Variants in AK7 observed in about 807,000 individuals in gnomAD.
The protein encoded by AK7 is ATP-AMP transphosphorylase 7.
A neutral mutation model predicts 96.6 loss-of-function variants in AK7; 78 were observed. The ratio of observed to expected loss-of-function variants is 0.81; its 90% CI spans 0.67 to 0.97. AK7 has a LOEUF of 0.97. Among genes scored for constraint, AK7 ranks in the 50% least tolerant of loss-of-function variants. AK7 has a pLI of 0.00. For missense variants in AK7, 855 were observed against 887.9 expected, an observed-to-expected ratio of 0.96 and a Z score of 0.47; for synonymous variants, 302 against 317.2, an observed-to-expected ratio of 0.95 and a Z score of 0.51.
chr14:96,471,475 C>A lies in AK7; in HGVS notation c.1358-3C>A. 7.2e-7 allele frequency: 1 copy of A among 1,386,046 alleles called. No individual in the cohort carries two copies. 85.9% of individuals were successfully genotyped at this position (1,386,046 alleles called of 1,614,324 possible). On this transcript the variant is annotated splice_polypyrimidine_tract_variant and splice_region_variant and intron_variant, in intron 12 of 17. Coordinates refer to ENST00000267584, the MANE Select transcript of AK7 (RefSeq NM_152327.5). ...AATATATACATATATGTTTTTTTATCAGGTCAACTAGACGATCAATATATA... is the reference window on the plus strand; with the variant it reads ...AATATATACATATATGTTTTTTTATAAGGTCAACTAGACGATCAATATATA...
intron 6 of AK7, among the ~76,000 whole-genome samples, chr14:96,439,022 G>A (rs1892806745): frequency 1.3e-5 from 2 of 152,198 alleles, no homozygotes; most frequent in African/African-American, 4.8e-5. Flanking sequence ...GGAAGACAGG[G>A]AATGGAGCTG....
In AK7 at chr14:96,481,407, C is replaced by T. The variant is rs552987943; in HGVS notation, c.1754-1592C>T. Among the ~76,000 whole-genome samples the T allele has an allele frequency of 5.1e-4, 78 of 152,226 alleles. 1 individual carries two copies. The highest frequency in any genetic ancestry group is 1.5e-3 in the East Asian group (8 of 5,182). On this transcript the variant is annotated intron_variant, in intron 15 of 17. Transcript: ENST00000267584. ...TGTCACCCAGGCTGAAGTGCAGTGG[C>T]GCAATCTTGGCTCACTGCAACCTCT... is the stretch of plus-strand genomic sequence containing the variant.
chr14:96,469,358 T>TA (rs1006168362), intron 12 of AK7, among the ~76,000 whole-genome samples: 2 of 151,914 alleles, frequency 1.3e-5, no homozygotes, highest in Admixed American at 1.3e-4. Context: ...CTGTCCCTAC[T>TA]AAAAAATACA....
intron 7 of AK7, among the ~76,000 whole-genome samples, chr14:96,444,246 C>T (rs1013818846): frequency 2.6e-5 from 4 of 151,942 alleles, no homozygotes; most frequent in Non-Finnish European, 5.9e-5. Context: ...ATGGAGGGGC[C>T]GAAACATACC....
At chr14:96,393,849 G>A (rs1380710018) in intron 1 of AK7, among the ~76,000 whole-genome samples, 1 of 151,990 alleles carries the variant, frequency 6.6e-6, no homozygotes, top group African/African-American at 2.4e-5. Context: ...GGTGGGCGTG[G>A]TGTAATACTA....
Position 96,471,589 on chromosome 14 carries a change from C to G in AK7, c.1469C>G (p.Ala490Gly). 6.3e-7 allele frequency: 1 copy of G among 1,577,920 alleles called. No individual in the cohort carries two copies. Among genetic ancestry groups the G allele is most frequent in the Non-Finnish European group, 8.6e-7 (1 of 1,165,652 alleles). The part of the protein sequence containing the change: ...LDGFPKTYDQ[A>G]KDLFNQEDEE... ...GGATTCCCAAAGACCTATGATCAAGCAAAAGACCTGTTCAATCGTAAGTTT... is the reference window on the plus strand; with the variant it reads ...GGATTCCCAAAGACCTATGATCAAGGAAAAGACCTGTTCAATCGTAAGTTT... The change falls in exon 13 of 18, where the codon GCA becomes GGA. Residue 490 changes from alanine (A) to glycine (G), a missense_variant. Transcript: ENST00000267584.
chr14:96,404,272 C>T (rs758782768), intron 2 of AK7, among the ~76,000 whole-genome samples: 6 of 151,740 alleles, frequency 4.0e-5, no homozygotes, highest in Non-Finnish European at 7.4e-5. Context: ...AAAATATTCC[C>T]GGCTGTCAAC....
chr14:96,394,900 T>C lies in AK7; in HGVS notation c.105+2641T>C, dbSNP rs554478129. On this transcript the variant is annotated intron_variant, in intron 1 of 17. Coordinates refer to ENST00000267584, the MANE Select transcript of AK7 (RefSeq NM_152327.5). ...CCGAGGCAGGAGAATCATTTGAACC[T>C]GGGAGACAGAGTTTGCAGTGAGCCG... Among the ~76,000 whole-genome samples, 12 of 152,202 alleles carry C rather than the reference T, an allele frequency of 7.9e-5. No homozygotes were observed. The East Asian group carries it at 2.3e-3, about 29-fold the overall frequency.
chr14:96,395,718 G>GAAAA (rs71103518), intron 1 of AK7, among the ~76,000 whole-genome samples: 3 of 41,024 alleles, frequency 7.3e-5, no homozygotes, highest in African/African-American at 6.7e-5. Context: ...CTTGTCTCTA[G>GAAAA]AAAAAAAAAA....
intron 12 of AK7, among the ~76,000 whole-genome samples, chr14:96,461,259 G>A (rs1404445123): frequency 2.6e-5 from 4 of 152,160 alleles, no homozygotes; most frequent in African/African-American, 7.2e-5. Context: ...GGTCAGCCTC[G>A]GCAACATAGC....
In AK7 at chr14:96,478,746, G is replaced by T. The variant is rs111884219; in HGVS notation, c.1753+84G>T. 562 of 1,354,986 alleles carry T rather than the reference G, an allele frequency of 4.1e-4. 6 individuals carry two copies. The African/African-American group carries it at 6.9e-3, about 17-fold the overall frequency. 83.9% of individuals were successfully genotyped at this position (1,354,986 alleles called of 1,614,324 possible). On this transcript the variant is annotated intron_variant, in intron 15 of 17. Coordinates refer to ENST00000267584, the MANE Select transcript of AK7 (RefSeq NM_152327.5). ...AGGTCTAGCTGTAATTGTGGGGCTGGGGGGAGGGTGGGGAGTGTAATCATG... is the reference window on the plus strand; with the variant it reads ...AGGTCTAGCTGTAATTGTGGGGCTGTGGGGAGGGTGGGGAGTGTAATCATG...
chr14:96,433,768 CTGACT>C (rs1175993962), intron 5 of AK7, among the ~76,000 whole-genome samples: 1 of 152,066 alleles, frequency 6.6e-6, no homozygotes, highest in African/African-American at 2.4e-5. Flanking sequence ...TTTTTTTCCT[CTGACT>C]GTATTTTTTA....
At chr14:96,441,397 G>A (rs1487272546) in intron 6 of AK7, among the ~76,000 whole-genome samples, 1 of 152,008 alleles carries the variant, frequency 6.6e-6, no homozygotes, top group African/African-American at 2.4e-5. Flanking sequence ...CCAGCATATT[G>A]GGAGGCTGAG....
intron 2 of AK7, among the ~76,000 whole-genome samples, chr14:96,403,271 A>C (rs1377076326): frequency 1.3e-5 from 2 of 151,928 alleles, no homozygotes; most frequent in African/African-American, 4.8e-5. Context: ...GGTGGAGATC[A>C]GGGTGATGCA....
At chr14:96,476,719 T>A (rs543118715) in intron 14 of AK7, among the ~76,000 whole-genome samples, 37 of 152,298 alleles carry the variant, frequency 2.4e-4, no homozygotes, top group Non-Finnish European at 4.1e-4. Flanking sequence ...AACATTTTTT[T>A]AAAAATCATC....
chr14:96,443,630 T>C (rs1452485165), intron 7 of AK7, among the ~76,000 whole-genome samples: 1 of 152,154 alleles, frequency 6.6e-6, no homozygotes, highest in Non-Finnish European at 1.5e-5. Context: ...TTTTATTATT[T>C]TTCTTAAAGA....
In AK7 at chr14:96,489,344, TC is replaced by T; in HGVS notation, c.*1007del. Reference sequence around the variant, plus strand: ...TAGGCAGTCACGCTCCATTATTCCCTCCCCCCAGTTCCAGGCAACCACGAAT... The same window carrying T: ...TAGGCAGTCACGCTCCATTATTCCCTCCCCCAGTTCCAGGCAACCACGAAT... On this transcript the variant is annotated 3_prime_UTR_variant, in exon 18 of 18. Transcript: ENST00000267584. 1 of 152,128 alleles carries T rather than the reference TC, an allele frequency of 6.6e-6. No homozygotes were observed. Among genetic ancestry groups the T allele is most frequent in the Non-Finnish European group, 1.5e-5 (1 of 67,996 alleles). The allele number at this position is 152,128 out of a possible 1,614,324, so 9.4% of individuals were successfully genotyped here. A position where few individuals can be genotyped will look rare whatever the true frequency, so the allele number is the denominator to read the frequency against.
At chr14:96,421,308 A>T (rs1048268729) in intron 5 of AK7, 1 of 159,896 alleles carries the variant, frequency 6.3e-6, no homozygotes, top group Non-Finnish European at 1.4e-5. Flanking sequence ...GAATAAGGAG[A>T]TGGGAGCTTC....
At chr14:96,480,202 T>C (rs1395657360) in intron 15 of AK7, among the ~76,000 whole-genome samples, 1 of 151,992 alleles carries the variant, frequency 6.6e-6, no homozygotes, top group Non-Finnish European at 1.5e-5. Flanking sequence ...AAGACCAAGG[T>C]GGGTGGATCA....
Sources: gnomAD v4.1 joint callset for allele counts (sites outside exome capture counted in the v4.1 genomes callset) on GRCh38, gnomAD v4.1.1 for gene constraint, MANE v1.5 for transcripts, NCBI Gene and HGNC (gene_info 2026-07-23, HGNC 2026-07-21) for gene names.